LRMDA: variants seen among roughly 807,000 people sequenced by gnomAD.
LRMDA encodes leucine rich melanocyte differentiation associated.
A neutral mutation model predicts 29.8 loss-of-function variants in LRMDA; 18 were observed. The ratio of observed to expected loss-of-function variants is 0.60; its 90% CI spans 0.42 to 0.90. LRMDA has a LOEUF of 0.90. LRMDA is among the 40% of genes least tolerant of loss of function. The pLI is 0.00. For synonymous variants in LRMDA, 125 were observed against 109.4 expected, an observed-to-expected ratio of 1.14 and a Z score of -0.89; for missense variants, 273 against 273.9, an observed-to-expected ratio of 1.00 and a Z score of 0.02.
In LRMDA at chr10:76,557,214, C is replaced by G; in HGVS notation, c.607C>G (p.Leu203Val). The G allele has an allele frequency of 6.2e-7, 1 of 1,613,726 alleles. No individual in the cohort carries two copies. ...GTGTGTCTTTTTATTTGCAGGTGTC[C>G]TGGGGAAGTGTCGCTACGTTTACTA... ...SRELTSHQGV[L>V]GKCRYVYYGK... Residue 203 changes from leucine to valine, a missense_variant, in exon 7 of 7, where the codon CTG becomes GTG. By Grantham distance (32) the Leu-to-Val change is conservative. Transcript: ENST00000611255.
chr10:76,133,972 A>C (rs1311923116), intron 5 of LRMDA, among the ~76,000 whole-genome samples: 1 of 152,174 alleles, frequency 6.6e-6, no homozygotes, highest in Non-Finnish European at 1.5e-5. Flanking sequence ...CAGCTCTGCC[A>C]CAGGCCCTGG....
intron 2 of LRMDA, among the ~76,000 whole-genome samples, chr10:75,806,551 C>T (rs1318679628): frequency 1.3e-5 from 2 of 151,726 alleles, no homozygotes; most frequent in South Asian, 2.1e-4. Flanking sequence ...CTCCTTAGTA[C>T]ATTAAAGTAT....
chr10:76,285,069 G>A (rs1840254975), intron 5 of LRMDA, among the ~76,000 whole-genome samples: 1 of 152,122 alleles, frequency 6.6e-6, no homozygotes, highest in Non-Finnish European at 1.5e-5. Flanking sequence ...CTCTTTTGTA[G>A]CCATAAGGGA....
intron 5 of LRMDA, among the ~76,000 whole-genome samples, chr10:76,261,500 C>A (rs1264641591): frequency 6.6e-6 from 1 of 152,028 alleles, no homozygotes; most frequent in African/African-American, 2.4e-5. Flanking sequence ...AAAAATGACA[C>A]CCTAGTTGTT....
intron 6 of LRMDA, among the ~76,000 whole-genome samples, chr10:76,495,701 A>T (rs1275027933): frequency 6.6e-6 from 1 of 151,720 alleles, no homozygotes; most frequent in South Asian, 2.1e-4. Flanking sequence ...GAATTTTGTA[A>T]TTTTTTTATA....
At chr10:75,835,375 T>C (rs1003731545) in intron 2 of LRMDA, among the ~76,000 whole-genome samples, 2 of 152,222 alleles carry the variant, frequency 1.3e-5, no homozygotes, top group Non-Finnish European at 2.9e-5. Flanking sequence ...GCATCCTTCT[T>C]ATAAGTACTA....
chr10:75,882,209 A>C (rs2132344637), intron 2 of LRMDA, among the ~76,000 whole-genome samples: 1 of 152,308 alleles, frequency 6.6e-6, no homozygotes, highest in Non-Finnish European at 1.5e-5. Flanking sequence ...AGGGTCAGTT[A>C]ATGGAAGGCC....
At chr10:75,461,944 C>A (rs1177729723) in intron 2 of LRMDA, among the ~76,000 whole-genome samples, 1 of 152,226 alleles carries the variant, frequency 6.6e-6, no homozygotes, top group South Asian at 2.1e-4. Flanking sequence ...TCAGCTTTTC[C>A]TTTGCAGATC....
At position 75,888,580 on chromosome 10, in the gene LRMDA, G is replaced by A. The variant is rs1845430669; in HGVS notation, c.132-147428G>A. 3.3e-5 allele frequency among the ~76,000 whole-genome samples: 5 copies of A among 152,168 alleles called. No homozygotes were observed. In the South Asian group the frequency reaches 1.0e-3, roughly 32 times the overall value. On this transcript the variant is annotated intron_variant, in intron 2 of 6. Coordinates refer to ENST00000611255, the MANE Select transcript of LRMDA (RefSeq NM_001305581.2). ...CTCTGTTTAGCTTCTGTAAGAAGAAGGAGATTAGCACGAATGTTTAGTGTT... is the reference window on the plus strand; with the variant it reads ...CTCTGTTTAGCTTCTGTAAGAAGAAAGAGATTAGCACGAATGTTTAGTGTT...
At chr10:75,806,102 A>G (rs1843846935) in intron 2 of LRMDA, among the ~76,000 whole-genome samples, 1 of 152,138 alleles carries the variant, frequency 6.6e-6, no homozygotes, top group Non-Finnish European at 1.5e-5. Flanking sequence ...ACAGAGAGGC[A>G]GGGGGGTACC....
intron 5 of LRMDA, among the ~76,000 whole-genome samples, chr10:76,134,267 G>A (rs1850053492): frequency 6.6e-6 from 1 of 152,192 alleles, no homozygotes; most frequent in Non-Finnish European, 1.5e-5. Context: ...GGAAATTGGG[G>A]CATCTGATGA....
At chr10:75,873,306 C>G (rs2132334420) in intron 2 of LRMDA, among the ~76,000 whole-genome samples, 1 of 152,316 alleles carries the variant, frequency 6.6e-6, no homozygotes, top group African/African-American at 2.4e-5. Flanking sequence ...AGCTCAATCA[C>G]TTTAATTCAG....
rs192426198 is a variant in LRMDA, at chr10:75,708,976, G to C, written c.131+270482G>C. On this transcript the variant is annotated intron_variant, in intron 2 of 6. Transcript: ENST00000611255. The stretch of plus-strand genomic sequence containing the variant: ...GAAGGCATTTGCATAGGAATAGGAA[G>C]TTGCTGCCTCTTTTTTCCTGGCAGA... 2.7e-3 allele frequency among the ~76,000 whole-genome samples: 407 copies of C among 152,310 alleles called. 1 individual carries two copies. The highest frequency in any genetic ancestry group is 4.7e-3 in the Non-Finnish European group (317 of 68,034).
At chr10:75,870,568 C>T (rs1845092561) in intron 2 of LRMDA, among the ~76,000 whole-genome samples, 1 of 152,318 alleles carries the variant, frequency 6.6e-6, no homozygotes, top group South Asian at 2.1e-4. Flanking sequence ...CCCATGACTT[C>T]TCAGTCACCG....
At chr10:75,872,473 T>G (rs1845130987) in intron 2 of LRMDA, among the ~76,000 whole-genome samples, 1 of 152,006 alleles carries the variant, frequency 6.6e-6, no homozygotes, top group African/African-American at 2.4e-5. Context: ...CTGGTTAATT[T>G]TTTTGTATTT....
intron 2 of LRMDA, among the ~76,000 whole-genome samples, chr10:75,655,784 C>A (rs1274494359): frequency 2.0e-5 from 3 of 152,172 alleles, no homozygotes; most frequent in Non-Finnish European, 4.4e-5. Context: ...GGTGTCTCTG[C>A]CTGTCAGATG....
chr10:75,880,329 G>A (rs1845273258), intron 2 of LRMDA, among the ~76,000 whole-genome samples: 1 of 152,194 alleles, frequency 6.6e-6, no homozygotes, highest in Non-Finnish European at 1.5e-5. Context: ...GTAAAAGGAG[G>A]TGATATGTTA....
At chr10:75,472,237 A>G (rs1023482243) in intron 2 of LRMDA, among the ~76,000 whole-genome samples, 19 of 152,138 alleles carry the variant, frequency 1.2e-4, no homozygotes, top group Admixed American at 1.2e-3. Flanking sequence ...ACCCTTTTCA[A>G]CTTGACACCA....
intron 5 of LRMDA, among the ~76,000 whole-genome samples, chr10:76,167,851 G>A (rs1423847950): frequency 6.6e-6 from 1 of 152,078 alleles, no homozygotes. Context: ...GAACAGTATG[G>A]CCATTTTCAT....
Sources: allele counts gnomAD v4.1 joint callset (sites outside exome capture counted in the v4.1 genomes callset), GRCh38; gene constraint gnomAD v4.1.1; transcripts MANE v1.5; gene names NCBI Gene and HGNC (gene_info 2026-07-23, HGNC 2026-07-21).